Variants in SORCS1 observed in about 807,000 individuals in gnomAD.
SORCS1 encodes the protein VPS10 domain-containing receptor SorCS1.
Under a neutral mutation model 146.1 loss-of-function variants are expected in SORCS1, and 60 were observed. The ratio of observed to expected loss-of-function variants is 0.41; its 90% CI spans 0.33 to 0.51. The LOEUF is 0.51. Among genes scored for constraint, SORCS1 ranks in the 20% least tolerant of loss-of-function variants. The pLI is 0.21. For missense variants in SORCS1, 1,352 were observed against 1,487.6 expected (o/e 0.91, Z 1.50); for synonymous variants, 637 against 584.0 (o/e 1.09, Z -1.31).
intron 10 of SORCS1, 149 bp downstream of exon 10, chr10:106,688,043 G>C: frequency 9.5e-7 from 1 of 1,056,124 alleles, no homozygotes; most frequent in South Asian, 1.8e-5. Context: ...AGTGCTGTGA[G>C]TTTTCTACAC....
At chr10:107,127,046 TGGAA>T in intron 1 of SORCS1, among the ~76,000 whole-genome samples, 1 of 152,126 alleles carries the variant, frequency 6.6e-6, no homozygotes, top group Admixed American at 6.5e-5. Flanking sequence ...TTGATGGCTT[TGGAA>T]GTAAATGAGA....
At position 107,041,536 on chromosome 10, in the gene SORCS1, C is replaced by T. The variant is rs145183636; in HGVS notation, c.559-84956G>A. 1.2e-3 allele frequency among the ~76,000 whole-genome samples: 182 copies of T among 152,222 alleles called. 1 individual carries two copies. Among genetic ancestry groups the T allele is most frequent in the African/African-American group, 3.7e-3 (152 of 41,544 alleles). ...ACAGGAGCAATAATTCCTCTAGTTACGGAGTCAGTTTTAGTCCCACATGTG... is the reference window on the plus strand; with the variant it reads ...ACAGGAGCAATAATTCCTCTAGTTATGGAGTCAGTTTTAGTCCCACATGTG... On this transcript the variant is annotated intron_variant, in intron 1 of 25. Transcript: ENST00000263054.
intron 1 of SORCS1, among the ~76,000 whole-genome samples, chr10:106,976,445 C>A (rs2139286764): frequency 6.6e-6 from 1 of 151,630 alleles, no homozygotes; most frequent in Non-Finnish European, 1.5e-5. Context: ...CATTCTCCTG[C>A]CTTAGCCTCC....
rs74152288 is a variant in SORCS1 at position 106,979,308 on chromosome 10, A to T, written c.559-22728T>A. Among the ~76,000 whole-genome samples the T allele has an allele frequency of 4.9e-3, 741 of 152,286 alleles. 10 individuals are homozygous for T. The highest frequency in any genetic ancestry group is 0.017 in the African/African-American group (701 of 41,562). ...TTAGGAAGTTTGTAAGACAGTAATT[A>T]AAAAAGATATGCATGTGGAACCCAG... On this transcript the variant is annotated intron_variant, in intron 1 of 25. Coordinates refer to ENST00000263054, the MANE Select transcript of SORCS1 (RefSeq NM_052918.5).
In SORCS1 at chr10:106,706,588, T is replaced by C. The variant is rs1441017766; in HGVS notation, c.1190A>G (p.Asn397Ser). Residue 397 changes from asparagine to serine, a missense_variant, in exon 8 of 26, where the codon AAT becomes AGT. Around this residue, in one of 3 missense-constraint regions of SORCS1, gnomAD observed 648 missense variants for 793.8 expected, o/e 0.82. Transcript: ENST00000263054. ...CGGAAGCTTCATTTGGGCAAATGCA[T>C]TCCTTCGGTAGGACACGTAGTAATG... ...RPHYYVSYRRNAFAQMKLPKY... is the reference protein window; with the variant it reads ...RPHYYVSYRRSAFAQMKLPKY... 1.9e-6 allele frequency: 3 copies of C among 1,614,190 alleles called. No homozygotes were observed. In the South Asian group the frequency reaches 3.3e-5, roughly 18 times the overall value.
At chr10:106,712,558 T>A (rs1490450268) in intron 6 of SORCS1, among the ~76,000 whole-genome samples, 1 of 152,222 alleles carries the variant, frequency 6.6e-6, no homozygotes, top group Non-Finnish European at 1.5e-5. Context: ...ACTGCCTCCT[T>A]CATCTATTAA....
chr10:106,796,528 A>G (rs1345122024), intron 3 of SORCS1, among the ~76,000 whole-genome samples: 1 of 152,144 alleles, frequency 6.6e-6, no homozygotes, highest in Non-Finnish European at 1.5e-5. Context: ...TTATAAGATT[A>G]TATTTACTTC....
intron 18 of SORCS1, among the ~76,000 whole-genome samples, chr10:106,646,289 T>C (rs1849425361): frequency 6.6e-6 from 1 of 152,152 alleles, no homozygotes; most frequent in African/African-American, 2.4e-5. Flanking sequence ...AGTATAATTA[T>C]AAAGAGATTT....
chr10:106,731,960 T>A (rs1239983659), intron 5 of SORCS1, among the ~76,000 whole-genome samples: 1 of 152,046 alleles, frequency 6.6e-6, no homozygotes, highest in East Asian at 1.9e-4. Context: ...GCTATAAAGG[T>A]CTGCGGGTTT....
At chr10:107,107,641 C>A (rs1236172732) in intron 1 of SORCS1, among the ~76,000 whole-genome samples, 1 of 152,178 alleles carries the variant, frequency 6.6e-6, no homozygotes, top group African/African-American at 2.4e-5. Flanking sequence ...CACCCACAGA[C>A]AAAATAGCCT....
intron 17 of SORCS1, among the ~76,000 whole-genome samples, chr10:106,658,634 T>C (rs528281040): frequency 4.6e-5 from 7 of 152,194 alleles, no homozygotes; most frequent in Non-Finnish European, 7.4e-5. Context: ...TAATTCTTGA[T>C]AGAGTATGTG....
intron 2 of SORCS1, among the ~76,000 whole-genome samples, chr10:106,841,018 G>A (rs527514205): frequency 3.3e-4 from 50 of 151,424 alleles, no homozygotes; most frequent in African/African-American, 1.1e-3. Context: ...ACCATACCCC[G>A]CTAATTTTTT....
intron 3 of SORCS1, among the ~76,000 whole-genome samples, chr10:106,818,779 G>A (rs1350141881): frequency 6.6e-6 from 1 of 152,126 alleles, no homozygotes; most frequent in Non-Finnish European, 1.5e-5. Flanking sequence ...TGCGCTTGTG[G>A]ACACTAGTTT....
intron 19 of SORCS1, among the ~76,000 whole-genome samples, chr10:106,624,562 T>G (rs1237868549): frequency 6.6e-6 from 1 of 151,766 alleles, no homozygotes; most frequent in Non-Finnish European, 1.5e-5. Context: ...GGTTTCACCA[T>G]GTTGGCCAGG....
chr10:106,709,218 C>G lies in SORCS1; in HGVS notation c.1143+5G>C, dbSNP rs770580897. On this transcript the variant is annotated splice_donor_5th_base_variant and intron_variant, in intron 7 of 25. Coordinates refer to ENST00000263054, the MANE Select transcript of SORCS1 (RefSeq NM_052918.5). ...AGACAATCAACAGAAGTGGATTTTT[C>G]CTACCTGAACAAACACATAATGATC... 6.2e-7 allele frequency: 1 copy of G among 1,606,126 alleles called. No homozygotes were observed. The highest frequency in any genetic ancestry group is 8.5e-7 in the Non-Finnish European group (1 of 1,174,282).
At chr10:106,931,445 G>A (rs1440964404) in intron 2 of SORCS1, among the ~76,000 whole-genome samples, 2 of 152,200 alleles carry the variant, frequency 1.3e-5, no homozygotes, top group Non-Finnish European at 1.5e-5. Flanking sequence ...AGAAGAGCAT[G>A]GAAGCGGGTG....
chr10:106,646,132 G>C (rs1295888636), intron 18 of SORCS1, among the ~76,000 whole-genome samples: 1 of 151,908 alleles, frequency 6.6e-6, no homozygotes, highest in East Asian at 1.9e-4. Context: ...GGGTGTGGTA[G>C]CTGGCACCTG....
At chr10:106,959,944 A>G (rs1009293326) in intron 1 of SORCS1, among the ~76,000 whole-genome samples, 3 of 152,232 alleles carry the variant, frequency 2.0e-5, no homozygotes, top group Admixed American at 1.3e-4. Flanking sequence ...TTCAAGTTCA[A>G]TCAAAAAGCA....
chr10:106,677,483 A>G, intron 12 of SORCS1, 79 bp from the exon 13 acceptor site: 1 of 1,267,218 alleles, frequency 7.9e-7, no homozygotes, highest in South Asian at 1.3e-5. Flanking sequence ...TCTTCACATG[A>G]GAACAAAAAT....
Sources: gnomAD v4.1 joint callset for allele counts (sites outside exome capture counted in the v4.1 genomes callset) on GRCh38, gnomAD v4.1.1 for gene constraint, gnomAD v4.1.1 regional missense constraint, MANE v1.5 for transcripts, NCBI Gene and HGNC (gene_info 2026-07-23, HGNC 2026-07-21) for gene names.